The following FBLN2 variants were observed in gnomAD, a reference collection of about 807,000 sequenced individuals.
The protein encoded by FBLN2 is fibulin 2.
In FBLN2, 81 loss-of-function variants were observed where a neutral mutation model predicts 123.7. The observed-to-expected ratio is 0.65, with a 90% CI of 0.55 to 0.79. The LOEUF (loss-of-function observed/expected upper bound fraction) is 0.79. Ranked by LOEUF, FBLN2 falls within the 30% of genes least tolerant of loss-of-function variation. FBLN2 has a pLI of 0.00. For missense variants in FBLN2, 1,603 were observed against 1,681.3 expected, an observed-to-expected ratio of 0.95 and a Z score of 0.81; for synonymous variants, 699 against 701.4, an observed-to-expected ratio of 1.00 and a Z score of 0.05.
Position 13,561,007 on chromosome 3 carries a change from G to A in FBLN2, c.-41-9308G>A, listed in dbSNP as rs116601860. Among the ~76,000 whole-genome samples the A allele has an allele frequency of 7.4e-3, 1,123 of 152,126 alleles. 12 individuals are homozygous for A. Among genetic ancestry groups the A allele is most frequent in the African/African-American group, 0.025 (1,051 of 41,510 alleles). On this transcript the variant is annotated intron_variant, in intron 1 of 17. Transcript: ENST00000404922. The stretch of plus-strand genomic sequence containing the variant: ...ACATACAAAAGAGTACCTAAAAGTC[G>A]GTGTAGGGTGGTAGAGGAAATTCTT...
chr3:13,610,874 G>T (rs1705367758), intron 4 of FBLN2, among the ~76,000 whole-genome samples: 1 of 145,248 alleles, frequency 6.9e-6, no homozygotes, highest in Admixed American at 6.8e-5. Context: ...TCCAGAAAGG[G>T]GCAGGAGAGC....
chr3:13,613,923 C>A, intron 4 of FBLN2, 61 bp from the exon 5 acceptor site: 1 of 1,552,726 alleles, frequency 6.4e-7, no homozygotes, highest in Non-Finnish European at 8.7e-7. Flanking sequence ...CAGTCCCTCC[C>A]CTGAGCCTAG....
At chr3:13,617,171 C>CATCCATCCATCCATCCATCCATCT (rs1553621519) in intron 5 of FBLN2, among the ~76,000 whole-genome samples, 2 of 151,538 alleles carry the variant, frequency 1.3e-5, no homozygotes, top group African/African-American at 4.9e-5. Context: ...TCCATCCATC[C>CATCCATCCATCCATCCATCCATCT]ATCCATCTAT....
At chr3:13,629,700 G>A (rs182296073) in intron 13 of FBLN2, 120 bp from the exon 14 acceptor site, 85 of 1,365,222 alleles carry the variant, frequency 6.2e-5, no homozygotes, top group Admixed American at 6.2e-4. Flanking sequence ...GCCTCTCCCT[G>A]TCTTTCCTTC....
Position 13,637,927 on chromosome 3 carries a change from G to A in FBLN2, c.*8G>A. On this transcript the variant is annotated 3_prime_UTR_variant, in exon 18 of 18. Coordinates refer to ENST00000404922, the MANE Select transcript of FBLN2 (RefSeq NM_001004019.2). ...ACCACCTTTGCCCTGTGAGGTGCCA[G>A]CACGGGCCACCTGCGGGTGTGGCGC... is the stretch of plus-strand genomic sequence containing the variant. 6.4e-7 allele frequency: 1 copy of A among 1,567,504 alleles called. No individual in the cohort carries two copies. The highest frequency in any genetic ancestry group is 8.7e-7 in the Non-Finnish European group (1 of 1,152,188).
At chr3:13,565,079 T>C (rs1030718680) in intron 1 of FBLN2, among the ~76,000 whole-genome samples, 1 of 152,178 alleles carries the variant, frequency 6.6e-6, no homozygotes, top group South Asian at 2.1e-4. Context: ...CACTGTGTGC[T>C]GAGTCACCTG....
At chr3:13,599,822 G>C (rs1704964907) in intron 2 of FBLN2, among the ~76,000 whole-genome samples, 1 of 151,828 alleles carries the variant, frequency 6.6e-6, no homozygotes, top group Non-Finnish European at 1.5e-5. Flanking sequence ...AGCTGGGGAA[G>C]TGCCAGGGAG....
At chr3:13,600,616 CTTT>C (rs35007080) in intron 2 of FBLN2, among the ~76,000 whole-genome samples, 2 of 137,774 alleles carry the variant, frequency 1.5e-5, no homozygotes, top group Non-Finnish European at 1.6e-5. Context: ...ATTTTGTACA[CTTT>C]TTTTTTTTTT....
chr3:13,596,653 C>T (rs933668125), intron 2 of FBLN2, among the ~76,000 whole-genome samples: 14 of 152,150 alleles, frequency 9.2e-5, no homozygotes, highest in African/African-American at 2.9e-4. Flanking sequence ...CCACCATCCA[C>T]CTCCAGAAAT....
At chr3:13,614,401 G>C (rs549032576) in intron 5 of FBLN2, among the ~76,000 whole-genome samples, 1 of 152,026 alleles carries the variant, frequency 6.6e-6, no homozygotes, top group African/African-American at 2.4e-5. Flanking sequence ...CCCTCTCTTT[G>C]TCTATACATC....
chr3:13,570,695 T>C lies in FBLN2; in HGVS notation c.340T>C (p.Cys114Arg). 1.3e-6 allele frequency: 2 copies of C among 1,588,560 alleles called. No homozygotes were observed. Among genetic ancestry groups the C allele is most frequent in the Non-Finnish European group, 1.7e-6 (2 of 1,168,200 alleles). Residue 114 changes from cysteine to arginine, a missense_variant, in exon 2 of 18, where the codon TGC (cysteine) becomes CGC (arginine). Physicochemically the swap from Cys to Arg is radical, Grantham distance 180. Coordinates refer to ENST00000404922, the MANE Select transcript of FBLN2 (RefSeq NM_001004019.2). ...CAAGATCAGCTGCCAGTTCATGCTG[T>C]GCCCGGAGCTGCCGCCCAACTGCAT... ...GGKISCQFML[C>R]PELPPNCIEA...
Position 13,614,134 on chromosome 3 carries a change from C to A in FBLN2, c.1699C>A (p.Pro567Thr), listed in dbSNP as rs745597971. Residue 567 changes from proline (P) to threonine (T), a missense_variant, in exon 5 of 18, where the codon CCT becomes ACT. Physicochemically the swap from Pro to Thr is conservative, Grantham distance 38. Transcript: ENST00000404922. ...TCTCATAGTACCTGAGGTTCGCCGA[C>A]CTCCAGAGCCCGCAGCTGCACCACG... is the stretch of plus-strand genomic sequence containing the variant. ...EPLIVPEVRR[P>T]PEPAAAPRRV... 10 of 1,612,692 alleles carry A rather than the reference C, an allele frequency of 6.2e-6. No homozygotes were observed. Among genetic ancestry groups the A allele is most frequent in the Non-Finnish European group, 8.5e-7 (1 of 1,179,870 alleles).
intron 14 of FBLN2, 131 bp downstream of exon 14, chr3:13,630,076 CCCTT>C: frequency 1.5e-6 from 2 of 1,316,414 alleles, no homozygotes; most frequent in South Asian, 1.3e-5. Flanking sequence ...CCCATGCTGG[CCCTT>C]CCTTCCTCCT....
chr3:13,578,656 G>A (rs1461343593), intron 2 of FBLN2, among the ~76,000 whole-genome samples: 3 of 3,300 alleles, frequency 9.1e-4, no homozygotes, highest in Non-Finnish European at 8.2e-4. Context: ...ATATATTCAT[G>A]TGTAAGTTTA....
At chr3:13,588,449 G>T (rs940872540) in intron 2 of FBLN2, among the ~76,000 whole-genome samples, 3 of 152,252 alleles carry the variant, frequency 2.0e-5, no homozygotes, top group Non-Finnish European at 4.4e-5. Flanking sequence ...GAGGCACGGG[G>T]CGTTTGGTTC....
At chr3:13,580,600 G>A (rs1216307300) in intron 2 of FBLN2, among the ~76,000 whole-genome samples, 1 of 152,296 alleles carries the variant, frequency 6.6e-6, no homozygotes, top group Middle Eastern at 3.4e-3. Context: ...AGCCTCTCCT[G>A]GTGGTTTTAG....
In FBLN2 at chr3:13,570,724, G is replaced by T. The variant is rs200267183; in HGVS notation, c.369G>T (p.Glu123Asp). 5.4e-4 allele frequency: 870 copies of T among 1,600,820 alleles called. 4 individuals carry two copies. The highest frequency in any genetic ancestry group is 1.7e-3 in the South Asian group (152 of 89,676). The change falls in exon 2 of 18, where the codon GAG (glutamate) becomes GAT (aspartate). Residue 123 changes from glutamate to aspartate, a missense_variant. Physicochemically the swap from Glu to Asp is conservative, Grantham distance 45 (BLOSUM62 2). Transcript: ENST00000404922. ...LCPELPPNCI[E>D]AVVVADSCPQ... ...CGGAGCTGCCGCCCAACTGCATCGA[G>T]GCTGTAGTGGTGGCTGACAGCTGCC...
At chr3:13,576,494 A>G (rs1704149149) in intron 2 of FBLN2, among the ~76,000 whole-genome samples, 1 of 152,244 alleles carries the variant, frequency 6.6e-6, no homozygotes, top group Non-Finnish European at 1.5e-5. Context: ...ACAGATCTCT[A>G]GAAACCTCAG....
At chr3:13,571,809 G>C in intron 2 of FBLN2, 148 bp downstream of exon 2, 1 of 706,928 alleles carries the variant, frequency 1.4e-6, no homozygotes, top group Non-Finnish European at 2.1e-6. Context: ...CTTGGTTTGG[G>C]CAGGAGGCTG....
Sources: allele counts gnomAD v4.1 joint callset (sites outside exome capture counted in the v4.1 genomes callset), GRCh38; gene constraint gnomAD v4.1.1; transcripts MANE v1.5; gene names NCBI Gene and HGNC (gene_info 2026-07-23, HGNC 2026-07-21).